MAF: variants seen among roughly 807,000 people sequenced by gnomAD.
MAF encodes transcription factor Maf.
MAF carries 10 observed loss-of-function variants against 22.0 expected under a neutral mutation model. The observed-to-expected ratio is 0.45, with a 90% CI of 0.28 to 0.77. The LOEUF (loss-of-function observed/expected upper bound fraction) is 0.77. Among genes scored for constraint, MAF ranks in the 30% least tolerant of loss-of-function variants. MAF has a pLI of 0.12. For synonymous variants in MAF, 337 were observed against 255.8 expected (o/e 1.32, Z -3.03); for missense variants, 544 against 548.4 (o/e 0.99, Z 0.08).
the MAF span, among the ~76,000 whole-genome samples, chr16:79,557,791 G>A: frequency 6.6e-6 from 1 of 151,874 alleles, no homozygotes; most frequent in Non-Finnish European, 1.5e-5. Context: ...CTCTCTGATG[G>A]GCAAAGATAT....
chr16:79,404,588 G>T, the MAF span, among the ~76,000 whole-genome samples: 1 of 152,224 alleles, frequency 6.6e-6, no homozygotes, highest in African/African-American at 2.4e-5. Flanking sequence ...CAGAGTCAAT[G>T]AATGACACAC....
chr16:79,501,786 C>T, the MAF span, among the ~76,000 whole-genome samples: 4 of 152,152 alleles, frequency 2.6e-5, no homozygotes, highest in Non-Finnish European at 5.9e-5. Context: ...CAATGAGAAG[C>T]AGGCTGTGTT....
At chr16:79,450,333 A>G in the MAF span, among the ~76,000 whole-genome samples, 3 of 152,218 alleles carry the variant, frequency 2.0e-5, no homozygotes, top group Non-Finnish European at 4.4e-5. Flanking sequence ...GTTAACTTGC[A>G]TCAACAGACT....
At chr16:79,254,864 C>A in the MAF span, among the ~76,000 whole-genome samples, 1 of 152,190 alleles carries the variant, frequency 6.6e-6, no homozygotes, top group Non-Finnish European at 1.5e-5. Flanking sequence ...TTTTGCCTGA[C>A]CTTTCTGAGT....
At chr16:79,458,292 G>A in the MAF span, among the ~76,000 whole-genome samples, 2 of 152,078 alleles carry the variant, frequency 1.3e-5, no homozygotes, top group African/African-American at 4.8e-5. Context: ...CATCAGTCCT[G>A]AGAAGGCATG....
At chr16:79,368,761 T>A in the MAF span, among the ~76,000 whole-genome samples, 1 of 152,142 alleles carries the variant, frequency 6.6e-6, no homozygotes, top group Non-Finnish European at 1.5e-5. Flanking sequence ...CAAATGCTCT[T>A]CCCTCTGATA....
chr16:79,354,347 C>A, the MAF span, among the ~76,000 whole-genome samples: 1 of 152,194 alleles, frequency 6.6e-6, no homozygotes, highest in African/African-American at 2.4e-5. Flanking sequence ...GAGGAACACA[C>A]GAGATGGTGA....
At chr16:79,354,573 G>A in the MAF span, among the ~76,000 whole-genome samples, 2 of 152,156 alleles carry the variant, frequency 1.3e-5, no homozygotes, top group Non-Finnish European at 2.9e-5. Flanking sequence ...AGGTGTAACT[G>A]GCCAGATAGC....
chr16:79,245,637 A>T, the MAF span, among the ~76,000 whole-genome samples: 1 of 152,074 alleles, frequency 6.6e-6, no homozygotes. Context: ...ACCATTGTGG[A>T]AGACAGTGTG....
chr16:79,362,598 T>C, the MAF span, among the ~76,000 whole-genome samples: 1 of 152,188 alleles, frequency 6.6e-6, no homozygotes, highest in African/African-American at 2.4e-5. Context: ...GAAGAGCAGG[T>C]TGCTGCAGTG....
chr16:79,214,536 G>C, the MAF span, among the ~76,000 whole-genome samples: 8 of 151,794 alleles, frequency 5.3e-5, no homozygotes, highest in Admixed American at 4.6e-4. Context: ...CTACCAAATA[G>C]CTGGGATTAC....
the MAF span, among the ~76,000 whole-genome samples, chr16:79,361,353 C>T: frequency 1.3e-5 from 2 of 152,182 alleles, no homozygotes; most frequent in African/African-American, 4.8e-5. Flanking sequence ...TGATTGGGAA[C>T]AAGCTGCACC....
chr16:79,566,621 G>A, the MAF span, among the ~76,000 whole-genome samples: 1 of 143,636 alleles, frequency 7.0e-6, no homozygotes, highest in Non-Finnish European at 1.6e-5. Context: ...TGGATCTTGG[G>A]GGAAGAAGCC....
At chr16:79,286,373 GA>G in the MAF span, among the ~76,000 whole-genome samples, 1 of 152,166 alleles carries the variant, frequency 6.6e-6, no homozygotes, top group African/African-American at 2.4e-5. Flanking sequence ...GCTAGAGAAG[GA>G]AGCTGAGGTC....
chr16:79,569,456 C>T, the MAF span, among the ~76,000 whole-genome samples: 4 of 152,186 alleles, frequency 2.6e-5, no homozygotes, highest in Admixed American at 6.5e-5. Flanking sequence ...TTTCCAAATC[C>T]TGCTTTAGTT....
At chr16:79,406,216 C>T in the MAF span, among the ~76,000 whole-genome samples, 1 of 152,188 alleles carries the variant, frequency 6.6e-6, no homozygotes, top group South Asian at 2.1e-4. Context: ...CCTTCCAAGT[C>T]AATTACTTGC....
the MAF span, among the ~76,000 whole-genome samples, chr16:79,318,559 T>C: frequency 6.6e-6 from 1 of 152,170 alleles, no homozygotes; most frequent in East Asian, 1.9e-4. Flanking sequence ...TTGCTGGGTG[T>C]CATCTAAGTC....
At chr16:79,411,430 C>A in the MAF span, among the ~76,000 whole-genome samples, 4 of 152,212 alleles carry the variant, frequency 2.6e-5, no homozygotes, top group Non-Finnish European at 5.9e-5. Context: ...GTGTAACCAA[C>A]CTCAGTGTCA....
chr16:79,599,916 C>T lies in MAF; in HGVS notation c.-14G>A. 6.4e-7 allele frequency: 1 copy of T among 1,554,154 alleles called. No individual in the cohort carries two copies. Among genetic ancestry groups the T allele is most frequent in the Non-Finnish European group, 8.7e-7 (1 of 1,149,438 alleles). On this transcript the variant is annotated 5_prime_UTR_variant, in exon 1 of 2. Transcript: ENST00000326043. ...TTCTGATGCCATTCTCCTGCCGCCGCCGCCGCCGCCGCCGCCGCTCCGCCA... is the reference window on the plus strand; with the variant it reads ...TTCTGATGCCATTCTCCTGCCGCCGTCGCCGCCGCCGCCGCCGCTCCGCCA...
Sources: gnomAD v4.1 joint callset for allele counts (sites outside exome capture counted in the v4.1 genomes callset) on GRCh38, gnomAD v4.1.1 for gene constraint, MANE v1.5 for transcripts, NCBI Gene and HGNC (gene_info 2026-07-23, HGNC 2026-07-21) for gene names.